The following NOX4 variants were observed in gnomAD, a reference collection of about 807,000 sequenced individuals.
The protein encoded by NOX4 is kidney oxidase-1.
In NOX4, 69 loss-of-function variants were observed where a neutral mutation model predicts 87.6. That is an observed-to-expected ratio of 0.79 (90% CI 0.65 to 0.96). The LOEUF is 0.96. Among genes scored for constraint, NOX4 ranks in the 40% least tolerant of loss-of-function variants. The pLI is 0.00. For missense variants in NOX4, 680 were observed against 681.5 expected (o/e 1.00, Z 0.02); for synonymous variants, 275 against 238.2 (o/e 1.15, Z -1.42).
At position 89,326,427 on chromosome 11, in the gene NOX4, C is replaced by A. The variant is rs1945222071; in HGVS notation, c.*329G>T. On this transcript the variant is annotated 3_prime_UTR_variant, in exon 18 of 18. Transcript: ENST00000263317. ...ATTTAAAGAGGAACACGACAATCAGCCTTAGATTGAGCAAGTTCAGCTCCT... is the reference window on the plus strand; with the variant it reads ...ATTTAAAGAGGAACACGACAATCAGACTTAGATTGAGCAAGTTCAGCTCCT... The A allele has an allele frequency of 5.7e-6, 1 of 176,686 alleles. No homozygotes were observed. The highest frequency in any genetic ancestry group is 2.4e-5 in the African/African-American group (1 of 42,028). 10.9% of individuals were successfully genotyped at this position (176,686 alleles called of 1,614,324 possible).
intron 2 of NOX4, among the ~76,000 whole-genome samples, chr11:89,471,223 C>T (rs1056729425): frequency 1.3e-5 from 2 of 152,218 alleles, no homozygotes; most frequent in Non-Finnish European, 2.9e-5. Flanking sequence ...TATTTATCTC[C>T]TTGTCTCCCA....
At chr11:89,346,361 C>T (rs1215306235) in intron 13 of NOX4, among the ~76,000 whole-genome samples, 3 of 151,852 alleles carry the variant, frequency 2.0e-5, no homozygotes, top group Non-Finnish European at 2.9e-5. Flanking sequence ...AATAATCATG[C>T]TAACAAAATT....
chr11:89,463,830 T>A (rs949976984), intron 2 of NOX4, among the ~76,000 whole-genome samples: 1 of 151,974 alleles, frequency 6.6e-6, no homozygotes, highest in African/African-American at 2.4e-5. Context: ...TTAAACATGA[T>A]TTTCTATCTC....
chr11:89,364,919 C>T (rs1374342269), intron 12 of NOX4, among the ~76,000 whole-genome samples: 2 of 152,032 alleles, frequency 1.3e-5, no homozygotes, highest in East Asian at 3.9e-4. Context: ...GGTCACATGG[C>T]TAGAAAGAGG....
chr11:89,437,467 T>A (rs1184936897), intron 6 of NOX4, among the ~76,000 whole-genome samples: 1 of 152,090 alleles, frequency 6.6e-6, no homozygotes, highest in Non-Finnish European at 1.5e-5. Flanking sequence ...CCTTAGGAGC[T>A]CCAGACTCAC....
intron 13 of NOX4, among the ~76,000 whole-genome samples, chr11:89,349,232 A>T (rs1946346760): frequency 6.6e-6 from 1 of 152,060 alleles, no homozygotes; most frequent in Non-Finnish European, 1.5e-5. Flanking sequence ...GCTTGCAGTG[A>T]GCCGAAATTG....
chr11:89,513,834 CAT>C, the NOX4 span, among the ~76,000 whole-genome samples: 1 of 151,838 alleles, frequency 6.6e-6, no homozygotes, highest in African/African-American at 2.4e-5. Context: ...AACATAAATC[CAT>C]GTCTCTTTCT....
chr11:89,526,044 C>T, the NOX4 span, among the ~76,000 whole-genome samples: 1 of 152,082 alleles, frequency 6.6e-6, no homozygotes, highest in Non-Finnish European at 1.5e-5. Flanking sequence ...TCAGATGCCA[C>T]CTATTCTTCC....
intron 17 of NOX4, among the ~76,000 whole-genome samples, chr11:89,335,381 T>G (rs1945658208): frequency 6.6e-6 from 1 of 151,802 alleles, no homozygotes; most frequent in African/African-American, 2.4e-5. Flanking sequence ...AAAGACTGCA[T>G]ATTACAATGC....
chr11:89,400,818 T>C (rs1173088829), intron 9 of NOX4, among the ~76,000 whole-genome samples: 1 of 149,624 alleles, frequency 6.7e-6, no homozygotes, highest in African/African-American at 2.5e-5. Context: ...ATGTACATAA[T>C]GTATATGCAT....
chr11:89,329,900 G>C (rs1945397133), intron 17 of NOX4, among the ~76,000 whole-genome samples: 1 of 151,678 alleles, frequency 6.6e-6, no homozygotes, highest in Non-Finnish European at 1.5e-5. Flanking sequence ...TCAAGAAGTA[G>C]GAAAATAAAA....
intron 8 of NOX4, among the ~76,000 whole-genome samples, chr11:89,402,918 G>T (rs542104384): frequency 1.3e-5 from 2 of 152,200 alleles, no homozygotes; most frequent in Non-Finnish European, 2.9e-5. Flanking sequence ...GGAATATTTT[G>T]CTAGATATCC....
At chr11:89,514,329 G>C in the NOX4 span, among the ~76,000 whole-genome samples, 4 of 151,930 alleles carry the variant, frequency 2.6e-5, no homozygotes, top group South Asian at 8.3e-4. Flanking sequence ...TAGAATTACA[G>C]TTAATTTTTG....
chr11:89,441,778 C>A (rs923747675), intron 5 of NOX4, among the ~76,000 whole-genome samples: 5 of 151,848 alleles, frequency 3.3e-5, no homozygotes, highest in Admixed American at 2.0e-4. Flanking sequence ...GATGTTTTCA[C>A]AGTGGCAAGA....
chr11:89,577,298 T>C, the NOX4 span: 1 of 152,186 alleles, frequency 6.6e-6, no homozygotes, highest in African/African-American at 2.4e-5. Flanking sequence ...ATATATAAGA[T>C]AGATCTAGAA....
chr11:89,405,773 A>G (rs1366530773), intron 8 of NOX4, among the ~76,000 whole-genome samples: 5 of 150,732 alleles, frequency 3.3e-5, no homozygotes, highest in Non-Finnish European at 5.9e-5. Flanking sequence ...AAAAACTTGC[A>G]TGGTAAAGAT....
the NOX4 span, among the ~76,000 whole-genome samples, chr11:89,569,003 C>T: frequency 6.6e-6 from 1 of 151,912 alleles, no homozygotes; most frequent in Non-Finnish European, 1.5e-5. Flanking sequence ...TTACTATAAA[C>T]AAAAGTCAGG....
chr11:89,541,216 T>A, the NOX4 span, among the ~76,000 whole-genome samples: 11 of 152,354 alleles, frequency 7.2e-5, no homozygotes, highest in African/African-American at 2.6e-4. Flanking sequence ...TTAAAACTTT[T>A]AAAATTCTGC....
At chr11:89,545,901 G>A in the NOX4 span, among the ~76,000 whole-genome samples, 336 of 152,226 alleles carry the variant, frequency 2.2e-3, no homozygotes, top group Middle Eastern at 6.8e-3. Context: ...GCACCTGTCT[G>A]ATATGGAAAA....
Sources: gnomAD v4.1 joint callset for allele counts (sites outside exome capture counted in the v4.1 genomes callset) on GRCh38, gnomAD v4.1.1 for gene constraint, MANE v1.5 for transcripts, NCBI Gene and HGNC (gene_info 2026-07-23, HGNC 2026-07-21) for gene names.